The following SBF1 variants were observed in gnomAD, a reference collection of about 807,000 sequenced individuals.
SBF1 encodes the protein SET binding factor 1.
In SBF1, 65 loss-of-function variants were observed where a neutral mutation model predicts 215.8. The observed-to-expected ratio is 0.30, with a 90% CI of 0.25 to 0.37. The LOEUF is 0.37. Ranked by LOEUF, SBF1 falls within the 10% of genes least tolerant of loss-of-function variation. The pLI is 1.00. For missense variants in SBF1, 2,634 were observed against 2,667.8 expected, an observed-to-expected ratio of 0.99 and a Z score of 0.28; for synonymous variants, 1,410 against 1,122.8, an observed-to-expected ratio of 1.26 and a Z score of -5.11.
intron 1 of SBF1, among the ~76,000 whole-genome samples, chr22:50,473,460 A>G (rs2068063600): frequency 6.6e-6 from 1 of 152,162 alleles, no homozygotes. Context: ...TGGTCCTAGC[A>G]AGCGAGAACT....
chr22:50,474,724 C>G (rs530629902), intron 1 of SBF1, 62 bp downstream of exon 1: 5 of 1,372,404 alleles, frequency 3.6e-6, no homozygotes, highest in Non-Finnish European at 4.8e-6. Context: ...TCAGACCCAG[C>G]CCCTGGCCCT....
At chr22:50,467,304 G>A (rs779236446) in intron 5 of SBF1, 34 bp downstream of exon 5, 8 of 1,564,772 alleles carry the variant, frequency 5.1e-6, no homozygotes, top group South Asian at 1.1e-5. Context: ...GAGGGCCTGT[G>A]GCTGTGCAGA....
At position 50,455,365 on chromosome 22, in the gene SBF1, C is replaced by A. The variant is rs17781316; in HGVS notation, c.4413G>T (p.Thr1471=). The change falls in exon 33 of 41, where the codon ACG becomes ACT. Residue 1471 remains threonine, a synonymous_variant. Transcript: ENST00000380817. ...CCACCAGCAGGCGAAAGCCCTCCAGCGTGCGGTAGAAGGGGTCTGAGAGCA... is the reference window on the plus strand; with the variant it reads ...CCACCAGCAGGCGAAAGCCCTCCAGAGTGCGGTAGAAGGGGTCTGAGAGCA... ...VQLLSDPFYR[T]LEGFRLLVEK... The A allele has an allele frequency of 6.2e-7, 1 of 1,613,358 alleles. No homozygotes were observed. Among genetic ancestry groups the A allele is most frequent in the Non-Finnish European group, 8.5e-7 (1 of 1,179,872 alleles).
At chr22:50,456,915 G>A (rs2148575576) in intron 29 of SBF1, 119 bp downstream of exon 29, 2 of 896,736 alleles carry the variant, frequency 2.2e-6, no homozygotes, top group Admixed American at 3.6e-5. Flanking sequence ...GGGCTCGGGA[G>A]ACGGGTCGTT....
Position 50,454,691 on chromosome 22 carries a change from T to C in SBF1, c.4864A>G (p.Thr1622Ala), listed in dbSNP as rs775162013. Reference protein sequence around the residue: ...VSNLKVWDFYTEETLAEGPPY... With the variant: ...VSNLKVWDFYAEETLAEGPPY... ...GGGCCCTCGGCCAGCGTCTCCTCAG[T>C]GTAGAAGTCCCACACCTTCAGGTTG... The change falls in exon 36 of 41, where the codon ACT (threonine) becomes GCT (alanine). Residue 1622 changes from threonine to alanine, a missense_variant. Physicochemically the swap from Thr to Ala is moderately conservative, Grantham distance 58. Transcript: ENST00000380817. 3.8e-6 allele frequency: 6 copies of C among 1,570,410 alleles called. No individual in the cohort carries two copies. The highest frequency in any genetic ancestry group is 5.2e-6 in the Non-Finnish European group (6 of 1,159,738).
intron 24 of SBF1, 53 bp from the exon 25 acceptor site, chr22:50,460,461 A>C (rs1213317469): frequency 1.2e-6 from 2 of 1,604,828 alleles, no homozygotes; most frequent in Non-Finnish European, 1.7e-6. Context: ...AAAGATGAGC[A>C]CAGGGGCCTA....
At chr22:50,447,636 G>A (rs1364536011) in intron 38 of SBF1, 27 bp from the exon 39 acceptor site, 1 of 1,544,666 alleles carries the variant, frequency 6.5e-7, no homozygotes, top group Non-Finnish European at 8.9e-7. Flanking sequence ...ACCAGGGCCA[G>A]GCTGACCGTC....
chr22:50,474,598 C>A (rs1291655241), intron 1 of SBF1, among the ~76,000 whole-genome samples, 188 bp downstream of exon 1: 1 of 149,794 alleles, frequency 6.7e-6, no homozygotes, highest in Non-Finnish European at 1.5e-5. Flanking sequence ...TCGGCTCCCC[C>A]GACCCCGGCC....
intron 16 of SBF1, 55 bp downstream of exon 16, chr22:50,463,228 C>A: frequency 6.2e-7 from 1 of 1,603,088 alleles, no homozygotes; most frequent in East Asian, 2.2e-5. Flanking sequence ...GGTCTGCCCG[C>A]CTGTTCCCGC....
intron 5 of SBF1, 177 bp downstream of exon 5, chr22:50,467,161 G>A: frequency 1.6e-6 from 1 of 610,794 alleles, no homozygotes; most frequent in Non-Finnish European, 2.9e-6. Flanking sequence ...CCAGAGCACA[G>A]GTGCGAGGGC....
At position 50,460,103 on chromosome 22, in the gene SBF1, C is replaced by A; in HGVS notation, c.3340G>T (p.Asp1114Tyr). 3 of 1,613,580 alleles carry A rather than the reference C, an allele frequency of 1.9e-6. No homozygotes were observed. Among genetic ancestry groups the A allele is most frequent in the Non-Finnish European group, 2.5e-6 (3 of 1,179,984 alleles). Reference protein sequence around the residue: ...LTPSSALKPSDRMTMSSLVER... With the variant: ...LTPSSALKPSYRMTMSSLVER... Reference sequence around the variant, plus strand: ...ACCAGGCTGCTCATGGTCATGCGGTCGGAGGGCTTCAGGGCTGAGGACGGG... The same window carrying A: ...ACCAGGCTGCTCATGGTCATGCGGTAGGAGGGCTTCAGGGCTGAGGACGGG... The change falls in exon 26 of 41, where the codon GAC becomes TAC. Residue 1114 changes from aspartate to tyrosine, a missense_variant. Physicochemically the swap from Asp to Tyr is radical, Grantham distance 160. Transcript: ENST00000380817.
At chr22:50,464,783 G>A in intron 13 of SBF1, 36 bp downstream of exon 13, 1 of 1,612,298 alleles carries the variant, frequency 6.2e-7, no homozygotes, top group Non-Finnish European at 8.5e-7. Flanking sequence ...AGGGATCAAG[G>A]CGGTACGACG....
rs755541587 is a variant in SBF1, at chr22:50,464,323, C to A, written c.1749+6G>T. 2 of 1,576,716 alleles carry A rather than the reference C, an allele frequency of 1.3e-6. No individual in the cohort carries two copies. Among genetic ancestry groups the A allele is most frequent in the African/African-American group, 1.3e-5 (1 of 74,240 alleles). ...CTGGCCCGGCTGGAGCCTGCACAGC[C>A]CTCACCTTCTTGGCCTCAAGCATTT... On this transcript the variant is annotated splice_donor_region_variant and intron_variant, in intron 15 of 40. Coordinates refer to ENST00000380817, the MANE Select transcript of SBF1 (RefSeq NM_002972.4).
At chr22:50,450,708 G>C (rs1462645486) in intron 36 of SBF1, among the ~76,000 whole-genome samples, 3 of 152,138 alleles carry the variant, frequency 2.0e-5, no homozygotes, top group African/African-American at 7.2e-5. Flanking sequence ...AGAGGTGCTG[G>C]AGAGCTGCCC....
chr22:50,456,941 G>A, intron 29 of SBF1, 93 bp downstream of exon 29: 1 of 1,083,764 alleles, frequency 9.2e-7, no homozygotes, highest in Non-Finnish European at 1.3e-6. Flanking sequence ...CAGGTGTGGA[G>A]GGAGACATTA....
chr22:50,463,376 G>C lies in SBF1; in HGVS notation c.1806C>G (p.Ala602=), dbSNP rs1020843701. ...LKGRAARRCL[A]QELHLHVQQN... ...GCTGCACATGCAGGTGCAGCTCCTG[G>C]GCGAGGCAGCGGCGGGCAGCTCGCC... Residue 602 remains alanine (A), a synonymous_variant, in exon 16 of 41, where the codon GCC becomes GCG. Transcript: ENST00000380817. 6.2e-7 allele frequency: 1 copy of C among 1,605,650 alleles called. No homozygotes were observed. Among genetic ancestry groups the C allele is most frequent in the Non-Finnish European group, 8.5e-7 (1 of 1,175,670 alleles).
At chr22:50,469,458 C>G (rs2067917291) in intron 1 of SBF1, among the ~76,000 whole-genome samples, 1 of 152,242 alleles carries the variant, frequency 6.6e-6, no homozygotes, top group Non-Finnish European at 1.5e-5. Flanking sequence ...TGTGGCTCAC[C>G]CCTGGAGAGC....
chr22:50,453,813 A>G (rs947991241), intron 36 of SBF1, among the ~76,000 whole-genome samples: 1 of 152,044 alleles, frequency 6.6e-6, no homozygotes, highest in African/African-American at 2.4e-5. Flanking sequence ...GATAACCTCT[A>G]AGGCCACACA....
rs772730606 is a variant in SBF1, at chr22:50,467,677, A to G, written c.293T>C (p.Val98Ala). ...PAEPSQETTR[V>A]EDATEREEEG... The stretch of plus-strand genomic sequence containing the variant: ...TTCCTCCCTCTCTGTGGCATCCTCC[A>G]CGCGCGTCGTTTCCTGCTGGGGGTC... Residue 98 changes from valine to alanine, a missense_variant, in exon 4 of 41, where the codon GTG becomes GCG. Physicochemically the swap from Val to Ala is moderately conservative, Grantham distance 64. Transcript: ENST00000380817. The G allele has an allele frequency of 6.9e-7, 1 of 1,441,878 alleles. No homozygotes were observed. The highest frequency in any genetic ancestry group is 1.1e-5 in the South Asian group (1 of 88,378). 89.3% of individuals were successfully genotyped at this position (1,441,878 alleles called of 1,614,324 possible).
Sources: gnomAD v4.1 joint callset for allele counts (sites outside exome capture counted in the v4.1 genomes callset) on GRCh38, gnomAD v4.1.1 for gene constraint, MANE v1.5 for transcripts, NCBI Gene and HGNC (gene_info 2026-07-23, HGNC 2026-07-21) for gene names.